SCRN1: variants seen among roughly 807,000 people sequenced by gnomAD.
SCRN1 encodes secernin 1.
In SCRN1, 19 loss-of-function variants were observed where a neutral mutation model predicts 43.3. The observed-to-expected ratio is 0.44, with a 90% confidence interval of 0.31 to 0.64. The LOEUF is 0.64. SCRN1 is among the 30% of genes least tolerant of loss of function. The pLI, the probability that SCRN1 is intolerant of heterozygous loss-of-function variation, is 0.09. For missense variants in SCRN1, 447 were observed against 524.1 expected (o/e 0.85, Z 1.44); for synonymous variants, 183 against 188.9 (o/e 0.97, Z 0.26).
At chr7:29,942,467 A>G (rs918687327) in intron 4 of SCRN1, among the ~76,000 whole-genome samples, 3 of 152,230 alleles carry the variant, frequency 2.0e-5, no homozygotes, top group African/African-American at 4.8e-5. Flanking sequence ...GCAGTCATAG[A>G]TCAAAAAGTG....
At chr7:29,955,994 G>A (rs1788124280) in intron 2 of SCRN1, among the ~76,000 whole-genome samples, 1 of 152,194 alleles carries the variant, frequency 6.6e-6, no homozygotes, top group Admixed American at 6.5e-5. Context: ...TCCCATGGAG[G>A]TGCATCTCCA....
intron 5 of SCRN1, among the ~76,000 whole-genome samples, chr7:29,937,271 C>T (rs1402809243): frequency 6.6e-6 from 1 of 152,180 alleles, no homozygotes; most frequent in Non-Finnish European, 1.5e-5. Context: ...ACAATGTGTG[C>T]AATTCCTCAT....
intron 1 of SCRN1, among the ~76,000 whole-genome samples, chr7:29,980,813 A>G (rs1000136056): frequency 6.6e-6 from 1 of 152,232 alleles, no homozygotes; most frequent in African/African-American, 2.4e-5. Flanking sequence ...ATATACACAT[A>G]TATGAATACA....
intron 1 of SCRN1, chr7:29,969,410 T>C (rs1788599298): frequency 2.9e-6 from 1 of 339,722 alleles, no homozygotes; most frequent in African/African-American, 2.1e-5. Context: ...CACACTGCAA[T>C]CTGTTCACAG....
chr7:29,940,924 C>G (rs1261476550), intron 4 of SCRN1, 48 bp from the exon 5 acceptor site: 10 of 1,395,000 alleles, frequency 7.2e-6, no homozygotes, highest in Non-Finnish European at 9.4e-6. Context: ...CTTATAAAGA[C>G]TTAATCAACA....
chr7:29,953,901 A>G (rs1432287118), intron 3 of SCRN1, among the ~76,000 whole-genome samples: 2 of 152,164 alleles, frequency 1.3e-5, no homozygotes, highest in South Asian at 2.1e-4. Flanking sequence ...TCATATTGAA[A>G]AAATGAGGAA....
intron 1 of SCRN1, among the ~76,000 whole-genome samples, chr7:29,985,782 T>A (rs1789130890): frequency 6.6e-6 from 1 of 152,214 alleles, no homozygotes; most frequent in Admixed American, 6.5e-5. Flanking sequence ...ACTCCTTCTC[T>A]CCCTTTACAG....
chr7:29,948,789 T>C (rs1220131765), intron 3 of SCRN1, among the ~76,000 whole-genome samples: 1 of 152,236 alleles, frequency 6.6e-6, no homozygotes, highest in Non-Finnish European at 1.5e-5. Flanking sequence ...GGTTAAATTT[T>C]AGGGATTTTG....
chr7:29,959,600 G>C (rs1238406417), intron 2 of SCRN1, among the ~76,000 whole-genome samples: 1 of 151,904 alleles, frequency 6.6e-6, no homozygotes, highest in Non-Finnish European at 1.5e-5. Context: ...TTTTACCCCA[G>C]TGTCTTGCCT....
At chr7:29,940,988 A>T (rs1044686778) in intron 4 of SCRN1, 112 bp from the exon 5 acceptor site, 1 of 870,872 alleles carries the variant, frequency 1.1e-6, no homozygotes, top group East Asian at 3.1e-5. Context: ...AACTACAGGG[A>T]GGAATCCATT....
Position 29,969,072 on chromosome 7 carries a change from A to G in SCRN1, c.-1-4T>C, listed in dbSNP as rs759223851. ...ACTTGGAGGAGCTGCAGCCATCCTG[A>G]AAAGAGAATGCCAGCAAGAGTGGAA... On this transcript the variant is annotated splice_polypyrimidine_tract_variant and splice_region_variant and intron_variant, in intron 1 of 7. Coordinates refer to ENST00000242059, the MANE Select transcript of SCRN1 (RefSeq NM_014766.5). 6.2e-7 allele frequency: 1 copy of G among 1,611,360 alleles called. No homozygotes were observed. The highest frequency in any genetic ancestry group is 1.6e-4 in the Middle Eastern group (1 of 6,062).
At chr7:29,952,598 G>C (rs558440581) in intron 3 of SCRN1, among the ~76,000 whole-genome samples, 1 of 152,108 alleles carries the variant, frequency 6.6e-6, no homozygotes, top group East Asian at 1.9e-4. Flanking sequence ...GCTGAGGCAG[G>C]AGAATCGCTT....
intron 2 of SCRN1, among the ~76,000 whole-genome samples, chr7:29,956,479 CG>C (rs1378176416): frequency 6.6e-6 from 1 of 152,214 alleles, no homozygotes; most frequent in African/African-American, 2.4e-5. Flanking sequence ...ACATTTTAAA[CG>C]GGGCAGCTGA....
At chr7:29,935,522 T>A (rs1172950588) in intron 6 of SCRN1, among the ~76,000 whole-genome samples, 1 of 152,234 alleles carries the variant, frequency 6.6e-6, no homozygotes, top group Admixed American at 6.5e-5. Flanking sequence ...CCTACTGGAA[T>A]GGGCAGGCTT....
intron 6 of SCRN1, among the ~76,000 whole-genome samples, chr7:29,930,594 T>C (rs188885094): frequency 6.6e-5 from 10 of 152,322 alleles, no homozygotes; most frequent in Admixed American, 4.6e-4. Flanking sequence ...TTTCATCACA[T>C]GCATGGGACG....
intron 3 of SCRN1, among the ~76,000 whole-genome samples, chr7:29,946,135 C>T (rs1318393909): frequency 4.6e-5 from 7 of 152,166 alleles, no homozygotes; most frequent in Admixed American, 4.6e-4. Flanking sequence ...TAGCAAGACT[C>T]GGTTACAAGG....
intron 2 of SCRN1, among the ~76,000 whole-genome samples, chr7:29,959,170 A>G (rs760573007): frequency 1.2e-4 from 18 of 152,340 alleles, no homozygotes; most frequent in East Asian, 1.9e-4. Context: ...AGACGTTTCA[A>G]TTAATGAAAC....
intron 6 of SCRN1, among the ~76,000 whole-genome samples, chr7:29,932,875 T>G (rs1231301717): frequency 6.6e-6 from 1 of 151,722 alleles, no homozygotes; most frequent in African/African-American, 2.4e-5. Flanking sequence ...TCTTATTTAT[T>G]TTATTTTATT....
At chr7:29,975,665 T>C (rs1788806344) in intron 1 of SCRN1, among the ~76,000 whole-genome samples, 2 of 152,258 alleles carry the variant, frequency 1.3e-5, no homozygotes, top group Non-Finnish European at 2.9e-5. Flanking sequence ...TAACATTTCT[T>C]ACTGTGAGTC....
Sources: gnomAD v4.1 joint callset for allele counts (sites outside exome capture counted in the v4.1 genomes callset) on GRCh38, gnomAD v4.1.1 for gene constraint, MANE v1.5 for transcripts, NCBI Gene and HGNC (gene_info 2026-07-23, HGNC 2026-07-21) for gene names.